Variants in PTPRN2 observed in about 807,000 individuals in gnomAD.
PTPRN2 encodes protein tyrosine phosphatase receptor type N2.
PTPRN2 carries 74 observed loss-of-function variants against 118.8 expected under a neutral mutation model. The ratio of observed to expected loss-of-function variants is 0.62; its 90% CI spans 0.52 to 0.76. The LOEUF is 0.76. Among genes scored for constraint, PTPRN2 ranks in the 30% least tolerant of loss-of-function variants. The pLI is 0.00. For synonymous variants in PTPRN2, 641 were observed against 608.0 expected, an observed-to-expected ratio of 1.05 and a Z score of -0.80; for missense variants, 1,481 against 1,394.4, an observed-to-expected ratio of 1.06 and a Z score of -0.99.
chr7:158,409,905 G>GT (rs995443447), intron 2 of PTPRN2, among the ~76,000 whole-genome samples: 126 of 152,338 alleles, frequency 8.3e-4, no homozygotes, highest in African/African-American at 2.9e-3. Flanking sequence ...TAAAGCTAGT[G>GT]TTTTTTTGAG....
At chr7:158,346,991 TTTG>T (rs1468500920) in intron 2 of PTPRN2, among the ~76,000 whole-genome samples, 1 of 152,246 alleles carries the variant, frequency 6.6e-6, no homozygotes, top group African/African-American at 2.4e-5. Context: ...TATTATATAT[TTTG>T]GATATTAAGC....
At chr7:157,593,158 G>A (rs1238427918) in intron 17 of PTPRN2, among the ~76,000 whole-genome samples, 1 of 149,990 alleles carries the variant, frequency 6.7e-6, no homozygotes, top group Non-Finnish European at 1.5e-5. Context: ...CATCATCGTG[G>A]TCGTTGAGCA....
chr7:157,847,710 A>C lies in PTPRN2; in HGVS notation c.1788+50963T>G, dbSNP rs534245162. 4.9e-4 allele frequency among the ~76,000 whole-genome samples: 69 copies of C among 141,258 alleles called. 6 individuals carry two copies. Among genetic ancestry groups the C allele is most frequent in the African/African-American group, 1.4e-3 (54 of 37,306 alleles). 92.7% of individuals were successfully genotyped at this position (141,258 alleles called of 152,430 possible). Reference sequence around the variant, plus strand: ...ACAGATGTTTACAGAGCGCTCTCTCACTCCATCATGTGTGCCCAATGTCTA... The same window carrying C: ...ACAGATGTTTACAGAGCGCTCTCTCCCTCCATCATGTGTGCCCAATGTCTA... On this transcript the variant is annotated intron_variant, in intron 12 of 22. Coordinates refer to ENST00000389418, the MANE Select transcript of PTPRN2 (RefSeq NM_002847.5).
chr7:158,366,656 C>T (rs1586477540), intron 2 of PTPRN2, among the ~76,000 whole-genome samples: 1 of 152,070 alleles, frequency 6.6e-6, no homozygotes, highest in Non-Finnish European at 1.5e-5. Context: ...CGTGGTGCTG[C>T]GGACCATGGG....
chr7:157,757,178 G>T (rs537222196), intron 12 of PTPRN2, among the ~76,000 whole-genome samples: 37 of 152,002 alleles, frequency 2.4e-4, no homozygotes, highest in Middle Eastern at 3.4e-3. Context: ...TTGCAGCTGA[G>T]GCTGCACCGT....
chr7:158,548,626 C>T lies in PTPRN2; in HGVS notation c.112+38932G>A, dbSNP rs77827821. Among the ~76,000 whole-genome samples, 751 of 152,356 alleles carry T rather than the reference C, an allele frequency of 4.9e-3. 5 individuals carry two copies. The highest frequency in any genetic ancestry group is 0.01 in the Middle Eastern group (3 of 294). On this transcript the variant is annotated intron_variant, in intron 1 of 22. Transcript: ENST00000389418. ...GTAAATTTTGCACTCTTCTTTGTAA[C>T]ATATGCCTGTGTGCCTTTTATGATA... is the stretch of plus-strand genomic sequence containing the variant.
intron 17 of PTPRN2, among the ~76,000 whole-genome samples, chr7:157,581,026 ACCTGCACACCCCAGCACCTGCACACCC>A (rs1800351515): frequency 8.8e-5 from 6 of 68,222 alleles, no homozygotes; most frequent in African/African-American, 1.2e-4. Flanking sequence ...ACACCCCAGC[ACCTGCACACCCCAGCACCTGCACACCC>A]CCTGCACACC....
intron 14 of PTPRN2, among the ~76,000 whole-genome samples, chr7:157,655,220 TCTC>T (rs1245266299): frequency 1.3e-5 from 2 of 152,174 alleles, no homozygotes; most frequent in East Asian, 1.9e-4. Flanking sequence ...GACTGTTGCT[TCTC>T]CTCATTTTAA....
chr7:158,166,056 C>T (rs1485273309), intron 6 of PTPRN2, among the ~76,000 whole-genome samples: 6 of 152,186 alleles, frequency 3.9e-5, no homozygotes, highest in African/African-American at 1.4e-4. Flanking sequence ...CTGGACTTAA[C>T]GTGTTCAGAG....
intron 3 of PTPRN2, among the ~76,000 whole-genome samples, chr7:158,249,448 C>T (rs1405332214): frequency 6.6e-6 from 1 of 150,768 alleles, no homozygotes; most frequent in Non-Finnish European, 1.5e-5. Context: ...GCACACCATA[C>T]ATACATGCAT....
At chr7:157,788,293 T>C (rs1804203343) in intron 12 of PTPRN2, among the ~76,000 whole-genome samples, 1 of 147,806 alleles carries the variant, frequency 6.8e-6, no homozygotes, top group South Asian at 2.1e-4. Context: ...GAGATTCACT[T>C]GAACCTGGGA....
At chr7:157,695,432 T>C (rs1201470960) in intron 12 of PTPRN2, among the ~76,000 whole-genome samples, 1 of 152,106 alleles carries the variant, frequency 6.6e-6, no homozygotes, top group African/African-American at 2.4e-5. Context: ...TTTTGATTTC[T>C]AAATCCATTT....
intron 12 of PTPRN2, among the ~76,000 whole-genome samples, chr7:157,743,947 C>T (rs561691121): frequency 2.0e-5 from 3 of 152,184 alleles, no homozygotes; most frequent in African/African-American, 4.8e-5. Flanking sequence ...CCTCTTTGCA[C>T]GTTGCATGTG....
chr7:158,184,800 T>C (rs1321416891), intron 5 of PTPRN2, among the ~76,000 whole-genome samples: 1 of 151,834 alleles, frequency 6.6e-6, no homozygotes, highest in African/African-American at 2.4e-5. Context: ...GCAAGAAGAA[T>C]GAACTTCCGT....
At chr7:158,274,420 C>A (rs1798814984) in intron 3 of PTPRN2, among the ~76,000 whole-genome samples, 1 of 125,940 alleles carries the variant, frequency 7.9e-6, no homozygotes, top group African/African-American at 3.0e-5. Context: ...ACAGGGGGAG[C>A]CGCAGACAGA....
intron 2 of PTPRN2, among the ~76,000 whole-genome samples, chr7:158,318,163 C>T (rs953170534): frequency 7.2e-5 from 11 of 152,264 alleles, no homozygotes; most frequent in African/African-American, 2.6e-4. Context: ...CCCCACCGTC[C>T]GTGATGGACA....
At chr7:157,915,835 C>A (rs1286256984) in intron 11 of PTPRN2, among the ~76,000 whole-genome samples, 1 of 152,130 alleles carries the variant, frequency 6.6e-6, no homozygotes, top group Admixed American at 6.5e-5. Context: ...TCTCTATGTC[C>A]TCATATTCTC....
chr7:158,498,597 A>T (rs1365314410), intron 1 of PTPRN2, among the ~76,000 whole-genome samples: 1 of 143,820 alleles, frequency 7.0e-6, no homozygotes, highest in African/African-American at 2.5e-5. Context: ...CGATTTCCTG[A>T]AATGGGATAA....
chr7:157,925,593 C>T (rs558754379), intron 11 of PTPRN2, among the ~76,000 whole-genome samples: 60 of 152,310 alleles, frequency 3.9e-4, no homozygotes, highest in Non-Finnish European at 6.6e-4. Context: ...GCAGTGGACT[C>T]GGTCAGGCCA....
Sources: gnomAD v4.1 joint callset for allele counts (sites outside exome capture counted in the v4.1 genomes callset) on GRCh38, gnomAD v4.1.1 for gene constraint, MANE v1.5 for transcripts, NCBI Gene and HGNC (gene_info 2026-07-23, HGNC 2026-07-21) for gene names.